Variants in WRNIP1 observed in about 807,000 individuals in gnomAD.
WRNIP1 encodes the protein WRN helicase interacting protein 1.
Under a neutral mutation model 56.1 loss-of-function variants are expected in WRNIP1, and 41 were observed. That is an observed-to-expected ratio of 0.73 (90% confidence interval 0.57 to 0.95). The LOEUF (loss-of-function observed/expected upper bound fraction) is 0.95. Ranked by LOEUF, WRNIP1 falls within the 40% of genes least tolerant of loss-of-function variation. WRNIP1 has a pLI of 0.00. For synonymous variants in WRNIP1, 547 were observed against 398.1 expected (o/e 1.37, Z -4.45); for missense variants, 1,170 against 939.4 (o/e 1.25, Z -3.21).
At chr6:2,781,827 A>G (rs1047419304) in intron 4 of WRNIP1, among the ~76,000 whole-genome samples, 1 of 152,218 alleles carries the variant, frequency 6.6e-6, no homozygotes, top group African/African-American at 2.4e-5. Flanking sequence ...GTGTTATTTA[A>G]TACAGCCCTG....
At chr6:2,772,084 G>A (rs160663) in intron 3 of WRNIP1, among the ~76,000 whole-genome samples, 148,826 of 152,318 alleles carry the variant, frequency 0.98, 72,818 homozygotes, top group East Asian at 1. Context: ...AGTCACTGCC[G>A]TGCAGGAATT....
At position 2,779,409 on chromosome 6, in the gene WRNIP1, C is replaced by T. The variant is rs1431787390; in HGVS notation, c.1403C>T (p.Ser468Phe). The change falls in exon 4 of 7, where the codon TCC (serine) becomes TTC (phenylalanine). Residue 468 changes from serine to phenylalanine, a missense_variant. Coordinates refer to ENST00000380773, the MANE Select transcript of WRNIP1 (RefSeq NM_020135.3). ...RKMFCKKSGQ[S>F]YSPSRVLITE... ...ATGTTCTGTAAGAAGAGTGGGCAAT[C>T]CTATTCTCCCAGTAGAGTTCTGATC... The T allele has an allele frequency of 2.5e-6, 4 of 1,614,198 alleles. No individual in the cohort carries two copies. Among genetic ancestry groups the T allele is most frequent in the African/African-American group, 1.3e-5 (1 of 75,038 alleles).
At position 2,769,653 on chromosome 6, in the gene WRNIP1, A is replaced by G. The variant is rs62393160; in HGVS notation, c.1015-467A>G. Reference sequence around the variant, plus strand: ...TCATATTGGACCACTGACTCATCTTAGTATTTTTTCCCCATAAAACAGCAT... The same window carrying G: ...TCATATTGGACCACTGACTCATCTTGGTATTTTTTCCCCATAAAACAGCAT... On this transcript the variant is annotated intron_variant, in intron 2 of 6. Coordinates refer to ENST00000380773, the MANE Select transcript of WRNIP1 (RefSeq NM_020135.3). 4.6e-5 allele frequency among the ~76,000 whole-genome samples: 7 copies of G among 152,298 alleles called. No homozygotes were observed. The East Asian group carries it at 1.2e-3, about 25-fold the overall frequency.
intron 1 of WRNIP1, among the ~76,000 whole-genome samples, chr6:2,768,121 C>T (rs574855492): frequency 4.6e-5 from 7 of 152,312 alleles, no homozygotes; most frequent in African/African-American, 1.4e-4. Flanking sequence ...GCTAATGTGA[C>T]CACAGTGCTG....
At chr6:2,774,877 C>CTGTT (rs1765396867) in intron 3 of WRNIP1, among the ~76,000 whole-genome samples, 1 of 152,346 alleles carries the variant, frequency 6.6e-6, no homozygotes, top group Non-Finnish European at 1.5e-5. Context: ...GGAGAGTATG[C>CTGTT]TGTTGCACAG....
At chr6:2,769,993 C>G in intron 2 of WRNIP1, 127 bp from the exon 3 acceptor site, 1 of 1,339,968 alleles carries the variant, frequency 7.5e-7, no homozygotes, top group South Asian at 1.4e-5. Flanking sequence ...GAATATAAGG[C>G]TGCTGCTATT....
intron 3 of WRNIP1, among the ~76,000 whole-genome samples, chr6:2,770,864 T>G (rs1034116864): frequency 2.6e-5 from 4 of 152,162 alleles, no homozygotes; most frequent in Admixed American, 2.6e-4. Context: ...ATGTAATCCT[T>G]TTTGTGTAGT....
intron 6 of WRNIP1, among the ~76,000 whole-genome samples, chr6:2,784,636 T>A (rs1765664224): frequency 6.6e-6 from 1 of 152,186 alleles, no homozygotes; most frequent in Non-Finnish European, 1.5e-5. Flanking sequence ...TCAGAGCACA[T>A]GCTCCATATG....
intron 3 of WRNIP1, among the ~76,000 whole-genome samples, chr6:2,778,038 G>A (rs141047540): frequency 1.5e-4 from 23 of 152,306 alleles, no homozygotes; most frequent in Non-Finnish European, 2.9e-4. Context: ...AAGGCATTGG[G>A]AACAAATCCT....
chr6:2,765,825 G>T lies in WRNIP1; in HGVS notation c.203G>T (p.Gly68Val). The T allele has an allele frequency of 2.9e-6, 4 of 1,361,038 alleles. No homozygotes were observed. Among genetic ancestry groups the T allele is most frequent in the African/African-American group, 1.5e-5 (1 of 65,620 alleles). The allele number at this position is 1,361,038 out of a possible 1,614,324, so 84.3% of individuals were successfully genotyped here. A position where few individuals can be genotyped will look rare whatever the true frequency, so the allele number is the denominator to read the frequency against. The change falls in exon 1 of 7, where the codon GGC (glycine) becomes GTC (valine). Residue 68 changes from glycine (G) to valine (V), a missense_variant. By Grantham distance (109) the Gly-to-Val change is moderately radical. Coordinates refer to ENST00000380773, the MANE Select transcript of WRNIP1 (RefSeq NM_020135.3). Reference sequence around the variant, plus strand: ...CGGGCCAAGGGGCCCTCGCCGCCCGGCGCCAAGAGGCGGCGGCTGTCGGAG... The same window carrying T: ...CGGGCCAAGGGGCCCTCGCCGCCCGTCGCCAAGAGGCGGCGGCTGTCGGAG... ...GERAKGPSPP[G>V]AKRRRLSESS... is the part of the protein sequence containing the mutation.
rs752415698 is a variant in WRNIP1, at chr6:2,785,201, C to T, written c.1917C>T (p.Pro639=). 5.0e-6 allele frequency: 8 copies of T among 1,614,026 alleles called. No homozygotes were observed. The highest frequency in any genetic ancestry group is 2.7e-5 in the African/African-American group (2 of 74,898). ...ATGGCAAAGGCTACAAGTACAACCC[C>T]ATGTACAGCGAGCCTGTGGATCAGG... is the stretch of plus-strand genomic sequence containing the variant. ...LGYGKGYKYN[P]MYSEPVDQEY... The change falls in exon 7 of 7, where the codon CCC becomes CCT. Residue 639 remains proline, a synonymous_variant. Coordinates refer to ENST00000380773, the MANE Select transcript of WRNIP1 (RefSeq NM_020135.3).
At chr6:2,777,455 G>T (rs1392054708) in intron 3 of WRNIP1, among the ~76,000 whole-genome samples, 1 of 152,122 alleles carries the variant, frequency 6.6e-6, no homozygotes, top group Non-Finnish European at 1.5e-5. Context: ...CAATTGTCCT[G>T]AAGGCTTTTT....
intron 2 of WRNIP1, among the ~76,000 whole-genome samples, chr6:2,769,653 A>C (rs62393160): frequency 0.013 from 1,975 of 152,292 alleles, 30 homozygotes; most frequent in South Asian, 0.061. Flanking sequence ...GACTCATCTT[A>C]GTATTTTTTC....
chr6:2,783,579 G>A lies in WRNIP1; in HGVS notation c.1642+18G>A, dbSNP rs1409295138. 1 of 1,563,104 alleles carries A rather than the reference G, an allele frequency of 6.4e-7. No individual in the cohort carries two copies. On this transcript the variant is annotated intron_variant, in intron 5 of 6. Transcript: ENST00000380773. ...GGACATAGGTGAGTGTGATGGGAGG[G>A]TCCCGGAGTCCTATGTCCATGAGGG...
intron 3 of WRNIP1, chr6:2,773,842 A>G (rs1270861519): frequency 3.0e-6 from 3 of 985,300 alleles, no homozygotes; most frequent in Non-Finnish European, 3.6e-6. Flanking sequence ...ATGAGAAGCC[A>G]TAACTGCCCT....
chr6:2,784,325 T>C lies in WRNIP1; in HGVS notation c.1644T>C (p.Gly548=). 6.2e-7 allele frequency: 1 copy of C among 1,612,534 alleles called. No homozygotes were observed. The change falls in exon 6 of 7, where the codon GGT becomes GGC. Residue 548 remains glycine, a splice_region_variant and synonymous_variant. Coordinates refer to ENST00000380773, the MANE Select transcript of WRNIP1 (RefSeq NM_020135.3). The part of the protein sequence containing the change: ...RLVRFASEDI[G]LADPSALTQA... The stretch of plus-strand genomic sequence containing the variant: ...CTCCTTTGTCTCTGTGTGTGGCAGG[T>C]CTGGCAGACCCGTCTGCGTTAACAC...
At position 2,765,650 on chromosome 6, in the gene WRNIP1, C is replaced by G. The variant is rs758856075; in HGVS notation, c.28C>G (p.Pro10Ala). ...GGAGGTGAGCGGGCCGGAAGACGAC[C>G]CCTTCCTTTCGCAGCTGCACCAGGT... MEVSGPEDD[P>A]FLSQLHQVQC... The change falls in exon 1 of 7, where the codon CCC becomes GCC. Residue 10 changes from proline (P) to alanine (A), a missense_variant. Physicochemically the swap from Pro to Ala is conservative, Grantham distance 27 (BLOSUM62 -1). Transcript: ENST00000380773. 1.3e-6 allele frequency: 2 copies of G among 1,545,964 alleles called. No homozygotes were observed. Among genetic ancestry groups the G allele is most frequent in the South Asian group, 1.1e-5 (1 of 87,384 alleles).
chr6:2,781,844 A>G (rs1458356118), intron 4 of WRNIP1, among the ~76,000 whole-genome samples: 1 of 152,220 alleles, frequency 6.6e-6, no homozygotes, highest in East Asian at 1.9e-4. Flanking sequence ...CCTGTGAGGT[A>G]AGTGGTCTCG....
intron 3 of WRNIP1, among the ~76,000 whole-genome samples, chr6:2,775,856 A>G (rs1220314613): frequency 6.6e-6 from 1 of 152,218 alleles, no homozygotes; most frequent in East Asian, 1.9e-4. Flanking sequence ...GTGTTTTATT[A>G]TAACAACATA....
Sources: gnomAD v4.1 joint callset for allele counts (sites outside exome capture counted in the v4.1 genomes callset) on GRCh38, gnomAD v4.1.1 for gene constraint, MANE v1.5 for transcripts, NCBI Gene and HGNC (gene_info 2026-07-23, HGNC 2026-07-21) for gene names.